FBXL17: variants seen among roughly 807,000 people sequenced by gnomAD.
The protein encoded by FBXL17 is F-box/LRR-repeat protein 17.
FBXL17 carries 22 observed loss-of-function variants against 66.2 expected under a neutral mutation model. The ratio of observed to expected loss-of-function variants is 0.33; its 90% CI spans 0.24 to 0.47. The LOEUF (loss-of-function observed/expected upper bound fraction) is 0.47, where lower values mean the gene tolerates loss of function less well. Among genes scored for constraint, FBXL17 ranks in the 20% least tolerant of loss-of-function variants. FBXL17 has a pLI of 1.00. For synonymous variants in FBXL17, 474 were observed against 400.5 expected (o/e 1.18, Z -2.19); for missense variants, 878 against 948.2 (o/e 0.93, Z 0.97).
Position 107,878,369 on chromosome 5 carries a change from G to A in FBXL17, c.1965+2668C>T, listed in dbSNP as rs573952188. ...TGGATGATAAGACTAATCAGTAACA[G>A]AGCATTTTATATATAATAGACATTA... On this transcript the variant is annotated intron_variant, in intron 8 of 8. Transcript: ENST00000542267. 2.9e-5 allele frequency: 25 copies of A among 857,462 alleles called. No individual in the cohort carries two copies. The East Asian group carries it at 2.8e-3, about 97-fold the overall frequency. The allele number at this position is 857,462 out of a possible 1,614,324, so 53.1% of individuals were successfully genotyped here.
chr5:108,006,202 T>TA (rs985434369), intron 7 of FBXL17, among the ~76,000 whole-genome samples: 1 of 152,190 alleles, frequency 6.6e-6, no homozygotes, highest in African/African-American at 2.4e-5. Context: ...GCTAAAGTCA[T>TA]AAAAAAATTA....
At chr5:108,328,382 T>C (rs192011053) in intron 4 of FBXL17, among the ~76,000 whole-genome samples, 48 of 152,146 alleles carry the variant, frequency 3.2e-4, no homozygotes, top group African/African-American at 1.0e-3. Context: ...TAGAAAGACG[T>C]GCCTCTTGGT....
At chr5:108,124,351 A>G (rs1750616053) in intron 6 of FBXL17, among the ~76,000 whole-genome samples, 1 of 152,096 alleles carries the variant, frequency 6.6e-6, no homozygotes, top group South Asian at 2.1e-4. Flanking sequence ...GCAAATTTCT[A>G]GGTCTTTGAC....
chr5:108,199,699 T>TA (rs1169916408), intron 5 of FBXL17, among the ~76,000 whole-genome samples: 1 of 152,180 alleles, frequency 6.6e-6, no homozygotes, highest in Non-Finnish European at 1.5e-5. Flanking sequence ...ATTGTTCCAA[T>TA]ATTCTCTTAA....
At chr5:107,970,687 G>T (rs576287005) in intron 7 of FBXL17, among the ~76,000 whole-genome samples, 190 of 152,264 alleles carry the variant, frequency 1.2e-3, no homozygotes, top group African/African-American at 4.4e-3. Context: ...TTTTTCCTTT[G>T]AAACGTTGGC....
chr5:108,089,682 T>C (rs956624550), intron 6 of FBXL17, among the ~76,000 whole-genome samples: 2 of 152,216 alleles, frequency 1.3e-5, no homozygotes, highest in South Asian at 4.1e-4. Context: ...GACCCACAGC[T>C]TTTTTCCCCT....
Position 108,310,800 on chromosome 5 carries a change from G to T in FBXL17, c.1506+37599C>A, listed in dbSNP as rs534321970. On this transcript the variant is annotated intron_variant, in intron 4 of 8. Coordinates refer to ENST00000542267, the MANE Select transcript of FBXL17 (RefSeq NM_001163315.3). ...TAAGTTTCTTTTATTTTAAATCAAA[G>T]GCAATATGTGACTTGTCAGGGTTCC... is the stretch of plus-strand genomic sequence containing the variant. Among the ~76,000 whole-genome samples, 8 of 152,200 alleles carry T rather than the reference G, an allele frequency of 5.3e-5. No homozygotes were observed. In the East Asian group the frequency reaches 1.5e-3, roughly 29 times the overall value.
intron 7 of FBXL17, 56 bp downstream of exon 7, chr5:108,020,869 A>G (rs1443596885): frequency 5.6e-6 from 7 of 1,257,768 alleles, no homozygotes; most frequent in South Asian, 1.2e-5. Flanking sequence ...AGAACTTTCA[A>G]TGATTTTGTA....
At chr5:108,372,865 G>A (rs1749135261) in intron 1 of FBXL17, among the ~76,000 whole-genome samples, 1 of 152,072 alleles carries the variant, frequency 6.6e-6, no homozygotes, top group South Asian at 2.1e-4. Flanking sequence ...ATTTACATAG[G>A]TAAATATAAA....
intron 6 of FBXL17, among the ~76,000 whole-genome samples, chr5:108,109,242 G>T (rs1266439452): frequency 1.3e-5 from 2 of 152,166 alleles, no homozygotes; most frequent in Admixed American, 6.5e-5. Context: ...TGAGAAAATA[G>T]CAGAAGGAGG....
At chr5:108,291,900 T>C (rs1018305219) in intron 4 of FBXL17, among the ~76,000 whole-genome samples, 1 of 152,144 alleles carries the variant, frequency 6.6e-6, no homozygotes, top group Non-Finnish European at 1.5e-5. Flanking sequence ...ACTTCCTTAA[T>C]ACCCTCTCTC....
At chr5:108,340,177 A>G (rs550167340) in intron 4 of FBXL17, among the ~76,000 whole-genome samples, 5 of 152,192 alleles carry the variant, frequency 3.3e-5, no homozygotes, top group East Asian at 1.9e-4. Context: ...TAAAAAGAGA[A>G]TAAGAGGATA....
intron 4 of FBXL17, among the ~76,000 whole-genome samples, chr5:108,256,840 AGT>A (rs972103429): frequency 4.6e-5 from 7 of 152,082 alleles, no homozygotes; most frequent in African/African-American, 1.4e-4. Context: ...GAGGTAAATA[AGT>A]GTATTTTTTT....
intron 6 of FBXL17, among the ~76,000 whole-genome samples, chr5:108,143,521 T>C (rs1211877349): frequency 6.6e-6 from 1 of 152,174 alleles, no homozygotes; most frequent in Non-Finnish European, 1.5e-5. Context: ...CTTCTGATTC[T>C]ACCTTGCTCT....
At chr5:108,216,603 T>C (rs1316327918) in intron 5 of FBXL17, among the ~76,000 whole-genome samples, 1 of 152,150 alleles carries the variant, frequency 6.6e-6, no homozygotes, top group African/African-American at 2.4e-5. Flanking sequence ...GTATACATTG[T>C]GGAGTGGCCA....
chr5:107,890,006 C>A (rs986236818), intron 7 of FBXL17, among the ~76,000 whole-genome samples: 4 of 152,074 alleles, frequency 2.6e-5, no homozygotes, highest in African/African-American at 4.8e-5. Context: ...TTAGGTTCCC[C>A]TGACAATCCC....
intron 6 of FBXL17, among the ~76,000 whole-genome samples, chr5:108,043,051 A>G (rs1474970304): frequency 4.6e-5 from 7 of 152,134 alleles, no homozygotes; most frequent in Non-Finnish European, 7.4e-5. Context: ...TGTCTATGTC[A>G]TTTACGCATT....
At chr5:108,251,395 T>C (rs148744571) in intron 4 of FBXL17, among the ~76,000 whole-genome samples, 1 of 152,174 alleles carries the variant, frequency 6.6e-6, no homozygotes, top group African/African-American at 2.4e-5. Flanking sequence ...TTTTCTTATG[T>C]AGACAGAGTA....
intron 6 of FBXL17, among the ~76,000 whole-genome samples, chr5:108,095,422 A>G (rs1268841326): frequency 6.6e-6 from 1 of 152,124 alleles, no homozygotes; most frequent in African/African-American, 2.4e-5. Flanking sequence ...CAATCTAAAT[A>G]AAATTTAAAT....
Sources: gnomAD v4.1 joint callset for allele counts (sites outside exome capture counted in the v4.1 genomes callset) on GRCh38, gnomAD v4.1.1 for gene constraint, MANE v1.5 for transcripts, NCBI Gene and HGNC (gene_info 2026-07-23, HGNC 2026-07-21) for gene names.